HPRT1: variants seen among roughly 807,000 people sequenced by gnomAD.
The protein encoded by HPRT1 is hypoxanthine-guanine phosphoribosyltransferase.
HPRT1 carries 4 observed loss-of-function variants against 19.0 expected under a neutral mutation model. The ratio of observed to expected loss-of-function variants is 0.21; its 90% CI spans 0.10 to 0.48. The LOEUF (loss-of-function observed/expected upper bound fraction) is 0.48, where lower values mean the gene tolerates loss of function less well. Among genes scored for constraint, HPRT1 ranks in the 20% least tolerant of loss-of-function variants. The pLI is 0.98. For synonymous variants in HPRT1, 53 were observed against 54.9 expected (o/e 0.97, Z 0.15); for missense variants, 65 against 164.0 (o/e 0.40, Z 3.30).
chrX:134,485,898 A>G (rs2077651554), intron 3 of HPRT1, among the ~76,000 whole-genome samples: 1 of 112,342 alleles, frequency 8.9e-6, no homozygotes, highest in Non-Finnish European at 1.9e-5. Context: ...CTGTGATAGC[A>G]GTAAAATGGG....
At position 134,461,394 on chromosome X, in the gene HPRT1, A is replaced by G. The variant is rs1029804157; in HGVS notation, c.27+1056A>G. ...AATAATTAACCACTTGAACCCTAAGAAAGAAGCGATTCTATTTCATATTAG... is the reference window on the plus strand; with the variant it reads ...AATAATTAACCACTTGAACCCTAAGGAAGAAGCGATTCTATTTCATATTAG... On this transcript the variant is annotated intron_variant, in intron 1 of 8. Transcript: ENST00000298556. 3.6e-5 allele frequency among the ~76,000 whole-genome samples: 4 copies of G among 112,225 alleles called. No individual in the cohort carries two copies. In the Admixed American group the frequency reaches 3.8e-4, roughly 11 times the overall value.
intron 3 of HPRT1, among the ~76,000 whole-genome samples, chrX:134,475,675 G>A (rs1484401833): frequency 8.9e-6 from 1 of 111,843 alleles, no homozygotes; most frequent in Non-Finnish European, 1.9e-5. Flanking sequence ...AGCTACATCG[G>A]TTTGTGGGGA....
intron 4 of HPRT1, among the ~76,000 whole-genome samples, chrX:134,488,124 G>GT (rs1210493724): frequency 9.0e-6 from 1 of 110,552 alleles, no homozygotes; most frequent in Non-Finnish European, 1.9e-5. Context: ...TGAACTTTCT[G>GT]TTTCATTGTA....
chrX:134,486,362 C>G, intron 3 of HPRT1, 103 bp from the exon 4 acceptor site: 1 of 369,166 alleles, frequency 2.7e-6, no homozygotes, highest in Non-Finnish European at 4.5e-6. Context: ...CTCAAATCTT[C>G]TAGTTCTCAT....
intron 5 of HPRT1, among the ~76,000 whole-genome samples, chrX:134,491,143 G>A (rs756284601): frequency 9.3e-6 from 1 of 107,863 alleles, no homozygotes. Flanking sequence ...GCCCCACAAA[G>A]AAACCCAATC....
chrX:134,472,784 A>G (rs2077613846), intron 1 of HPRT1, among the ~76,000 whole-genome samples: 1 of 110,886 alleles, frequency 9.0e-6, no homozygotes, highest in Non-Finnish European at 1.9e-5. Flanking sequence ...CATGTTGACA[A>G]GGCTGGTCTG....
At chrX:134,471,201 T>TA (rs1206954949) in intron 1 of HPRT1, among the ~76,000 whole-genome samples, 1 of 111,619 alleles carries the variant, frequency 9.0e-6, no homozygotes, top group Non-Finnish European at 1.9e-5. Flanking sequence ...TTAAAAGTGA[T>TA]ATATATTCAT....
chrX:134,468,176 A>G (rs1328212213), intron 1 of HPRT1, among the ~76,000 whole-genome samples: 2 of 109,538 alleles, frequency 1.8e-5, no homozygotes, highest in East Asian at 2.8e-4. Context: ...CATGCCATCT[A>G]TTACACTGTA....
intron 1 of HPRT1, among the ~76,000 whole-genome samples, chrX:134,466,831 A>G (rs2077598095): frequency 9.0e-6 from 1 of 111,615 alleles, no homozygotes; most frequent in African/African-American, 3.3e-5. Flanking sequence ...GTAGAATGTA[A>G]TCACTGCTTT....
chrX:134,498,005 T>G (rs1177410119), intron 6 of HPRT1, among the ~76,000 whole-genome samples: 62 of 112,304 alleles, frequency 5.5e-4, no homozygotes, highest in Non-Finnish European at 2.8e-4. Flanking sequence ...CACACCCTTT[T>G]ATAGTTTAGG....
intron 3 of HPRT1, among the ~76,000 whole-genome samples, chrX:134,485,185 G>A (rs1281074739): frequency 8.9e-6 from 1 of 112,142 alleles, no homozygotes; most frequent in South Asian, 3.7e-4. Flanking sequence ...TGCCAGTATG[G>A]GTGGGAGAAC....
At chrX:134,482,050 G>A in intron 3 of HPRT1, among the ~76,000 whole-genome samples, 1 of 111,133 alleles carries the variant, frequency 9.0e-6, no homozygotes, top group East Asian at 2.8e-4. Context: ...GTTTTTGTTT[G>A]TTTTTTGTTT....
At chrX:134,484,944 G>A (rs757572164) in intron 3 of HPRT1, among the ~76,000 whole-genome samples, 4 of 111,765 alleles carry the variant, frequency 3.6e-5, no homozygotes, top group African/African-American at 1.3e-4. Flanking sequence ...TGGGATTACA[G>A]GCATGAAGCC....
intron 3 of HPRT1, among the ~76,000 whole-genome samples, chrX:134,485,578 A>G (rs909450913): frequency 1.8e-5 from 2 of 112,096 alleles, no homozygotes; most frequent in Non-Finnish European, 3.8e-5. Flanking sequence ...TGAATAATTC[A>G]TCTTTTCCCT....
At chrX:134,496,191 C>A (rs1247458926) in intron 6 of HPRT1, among the ~76,000 whole-genome samples, 1 of 111,864 alleles carries the variant, frequency 8.9e-6, no homozygotes, top group African/African-American at 3.3e-5. Context: ...CTGTTTTACA[C>A]CAGTAACATA....
chrX:134,486,444 G>GTTTT (rs371480320), intron 3 of HPRT1, 21 bp from the exon 4 acceptor site: 10 of 719,827 alleles, frequency 1.4e-5, no homozygotes, highest in African/African-American at 2.3e-5. Context: ...TATATATATA[G>GTTTT]TTTTTTTTTT....
At chrX:134,477,927 C>G (rs970507816) in intron 3 of HPRT1, among the ~76,000 whole-genome samples, 5 of 111,879 alleles carry the variant, frequency 4.5e-5, no homozygotes, top group African/African-American at 1.6e-4. Flanking sequence ...CTTCCTGCCT[C>G]AGCCTCTAAA....
intron 3 of HPRT1, among the ~76,000 whole-genome samples, chrX:134,478,009 G>A (rs767541005): frequency 8.9e-6 from 1 of 111,997 alleles, no homozygotes; most frequent in Non-Finnish European, 1.9e-5. Flanking sequence ...TAATAATTCA[G>A]CAGCTTGTCA....
At chrX:134,467,287 G>A (rs993512377) in intron 1 of HPRT1, among the ~76,000 whole-genome samples, 5 of 111,641 alleles carry the variant, frequency 4.5e-5, no homozygotes, top group African/African-American at 1.6e-4. Flanking sequence ...CTGGCCTCAG[G>A]TGATCCACCC....
Sources: gnomAD v4.1 joint callset for allele counts (sites outside exome capture counted in the v4.1 genomes callset) on GRCh38, gnomAD v4.1.1 for gene constraint, MANE v1.5 for transcripts, NCBI Gene and HGNC (gene_info 2026-07-23, HGNC 2026-07-21) for gene names.